DGKA: variants seen among roughly 807,000 people sequenced by gnomAD.
DGKA encodes the protein 80 kDa diacylglycerol kinase.
A neutral mutation model predicts 105.0 loss-of-function variants in DGKA; 35 were observed. The ratio of observed to expected loss-of-function variants is 0.33; its 90% CI spans 0.25 to 0.44. The LOEUF (loss-of-function observed/expected upper bound fraction) is 0.44, where lower values mean the gene tolerates loss of function less well. DGKA is among the 20% of genes least tolerant of loss of function. DGKA has a pLI of 1.00. For synonymous variants in DGKA, 296 were observed against 332.0 expected, an observed-to-expected ratio of 0.89 and a Z score of 1.18; for missense variants, 665 against 915.0, an observed-to-expected ratio of 0.73 and a Z score of 3.53.
intron 17 of DGKA, among the ~76,000 whole-genome samples, chr12:55,942,978 G>C (rs1886324744): frequency 6.6e-6 from 1 of 152,154 alleles, no homozygotes; most frequent in African/African-American, 2.4e-5. Flanking sequence ...TGGGGGAACT[G>C]TAAGTCATTC....
chr12:55,948,090 C>T (rs981592087), intron 17 of DGKA, among the ~76,000 whole-genome samples: 2 of 151,518 alleles, frequency 1.3e-5, no homozygotes, highest in Non-Finnish European at 2.9e-5. Context: ...CATACCCAGC[C>T]GAAAATAACT....
At position 55,940,206 on chromosome 12, in the gene DGKA, T is replaced by C. The variant is rs778688698; in HGVS notation, c.798+36T>C. ...TCATGCCTCCACCCCCAACATCACC[T>C]ACATCCTGGCCCTGGCCCTGGCCCT... On this transcript the variant is annotated intron_variant, in intron 10 of 23. Transcript: ENST00000331886. This position sits in a 1 kb window ranked among gnomAD's most constrained non-coding sequence, Gnocchi z 4.3. 2 of 1,613,684 alleles carry C rather than the reference T, an allele frequency of 1.2e-6. No individual in the cohort carries two copies. The highest frequency in any genetic ancestry group is 3.3e-5 in the Admixed American group (2 of 60,010).
At position 55,953,084 on chromosome 12, in the gene DGKA, A is replaced by G. The variant is rs1325007315; in HGVS notation, c.1987A>G (p.Ile663Val). The G allele has an allele frequency of 1.9e-6, 3 of 1,613,974 alleles. No individual in the cohort carries two copies. Among genetic ancestry groups the G allele is most frequent in the Non-Finnish European group, 2.5e-6 (3 of 1,180,026 alleles). Residue 663 changes from isoleucine (I) to valine (V), a missense_variant, in exon 22 of 24, where the codon ATT (isoleucine) becomes GTT (valine). By Grantham distance (29) the Ile-to-Val change is conservative. This residue lies in a region of DGKA where 158 missense variants were observed against 213.4 expected (regional missense o/e 0.74). Coordinates refer to ENST00000331886, the MANE Select transcript of DGKA (RefSeq NM_001345.5). ...RLEVVGLEGA[I>V]EMGQIYTKLK... is the part of the protein sequence containing the mutation. ...GGAAGTGGTTGGGCTGGAGGGTGCA[A>G]TTGAGATGGGCCAAATCTATACCAA...
chr12:55,936,979 A>G (rs1293687009), intron 2 of DGKA, 38 bp from the exon 3 acceptor site: 5 of 1,558,394 alleles, frequency 3.2e-6, no homozygotes, highest in East Asian at 4.5e-5. Flanking sequence ...ACTCAGCTGG[A>G]CTAATAATGC....
At chr12:55,941,684 G>C in intron 15 of DGKA, 100 bp downstream of exon 15, 2 of 1,242,810 alleles carry the variant, frequency 1.6e-6, no homozygotes, top group Non-Finnish European at 2.3e-6. Context: ...GGAGAGGAGG[G>C]CTAGAGATCC....
chr12:55,947,389 A>G (rs1377659835), intron 17 of DGKA, among the ~76,000 whole-genome samples: 1 of 152,202 alleles, frequency 6.6e-6, no homozygotes, highest in Admixed American at 6.5e-5. Context: ...CAAGAAAGTG[A>G]AAGCTCCCTA....
chr12:55,939,897 T>C (rs1328945418), intron 9 of DGKA, 185 bp from the exon 10 acceptor site: 6 of 618,548 alleles, frequency 9.7e-6, no homozygotes, highest in Non-Finnish European at 1.7e-5. Context: ...CAGTAGCAGC[T>C]GATCTTTTAG....
At position 55,940,103 on chromosome 12, in the gene DGKA, A is replaced by G. The variant is rs1304709720; in HGVS notation, c.731A>G (p.Asp244Gly). The change falls in exon 10 of 24, where the codon GAC (aspartate) becomes GGC (glycine). Residue 244 changes from aspartate to glycine, a missense_variant. This residue lies in a region of DGKA where 504 missense variants were observed against 681.2 expected (regional missense o/e 0.74). Transcript: ENST00000331886. This position sits in a 1 kb window ranked among gnomAD's most constrained non-coding sequence, Gnocchi z 4.3. ...SCNLCKYTVH[D>G]QCAMKALPCE... ...TCAGTCTGTAAGTACACTGTTCACG[A>G]CCAGTGTGCCATGAAAGCCCTGCCT... 1 of 1,614,192 alleles carries G rather than the reference A, an allele frequency of 6.2e-7. No homozygotes were observed. Among genetic ancestry groups the G allele is most frequent in the Non-Finnish European group, 8.5e-7 (1 of 1,180,034 alleles).
intron 1 of DGKA, among the ~76,000 whole-genome samples, chr12:55,934,620 A>G (rs1884289413): frequency 6.6e-6 from 1 of 152,238 alleles, no homozygotes; most frequent in Non-Finnish European, 1.5e-5. Context: ...CAAGCCCTAA[A>G]TGAGTGGGTG....
chr12:55,929,783 A>G (rs962876146), upstream of DGKA: 1 of 152,266 alleles, frequency 6.6e-6, no homozygotes, highest in African/African-American at 2.4e-5. Context: ...GACTTGGGGT[A>G]TGATGGAGCA....
chr12:55,927,622 G>T (rs1883219398), upstream of DGKA: 3 of 1,418,502 alleles, frequency 2.1e-6, no homozygotes, highest in South Asian at 2.5e-5. Context: ...CTAAGAAGGT[G>T]GGGAGGTCGA....
intron 23 of DGKA, 121 bp downstream of exon 23, chr12:55,953,531 TA>T: frequency 7.4e-7 from 1 of 1,353,782 alleles, no homozygotes; most frequent in Non-Finnish European, 1.0e-6. Context: ...TCATTCATCC[TA>T]AACCCTGATT....
intron 14 of DGKA, 55 bp from the exon 15 acceptor site, chr12:55,941,455 A>G: frequency 6.2e-7 from 1 of 1,601,250 alleles, no homozygotes; most frequent in South Asian, 1.1e-5. Context: ...TGAGGTTCAG[A>G]AGATCACCCC....
At chr12:55,947,409 C>T (rs1466615557) in intron 17 of DGKA, among the ~76,000 whole-genome samples, 1 of 152,160 alleles carries the variant, frequency 6.6e-6, no homozygotes, top group East Asian at 1.9e-4. Flanking sequence ...ATAATCTATG[C>T]CCTACAGTTT....
chr12:55,944,847 T>G (rs1886697216), intron 17 of DGKA, among the ~76,000 whole-genome samples: 2 of 152,234 alleles, frequency 1.3e-5, no homozygotes, highest in South Asian at 4.1e-4. Context: ...TTGCCTAGAC[T>G]GGAGTGCAGT....
In DGKA at chr12:55,939,398, C is replaced by T. The variant is rs754189608; in HGVS notation, c.595-17C>T. 4.3e-5 allele frequency: 70 copies of T among 1,613,956 alleles called. No individual in the cohort carries two copies. The South Asian group carries it at 7.6e-4, about 17-fold the overall frequency. On this transcript the variant is annotated splice_polypyrimidine_tract_variant and intron_variant, in intron 8 of 23. Coordinates refer to ENST00000331886, the MANE Select transcript of DGKA (RefSeq NM_001345.5). The stretch of plus-strand genomic sequence containing the variant: ...TAAGGGCTTTGACACTCCCTAGCAT[C>T]TACTGTGCCTTCCTAGACTCTGAAG...
chr12:55,948,174 G>A (rs1303916679), intron 17 of DGKA, among the ~76,000 whole-genome samples: 1 of 151,838 alleles, frequency 6.6e-6, no homozygotes, highest in Non-Finnish European at 1.5e-5. Context: ...GGCCAAGGCG[G>A]GTGGATCATG....
chr12:55,937,895 A>C (rs1885086084), intron 4 of DGKA, 83 bp from the exon 5 acceptor site: 3 of 1,225,414 alleles, frequency 2.4e-6, no homozygotes, highest in Non-Finnish European at 3.5e-6. Flanking sequence ...TTTTAAAAAA[A>C]GGGAGAGGTG....
At chr12:55,937,720 G>A (rs542659873) in intron 4 of DGKA, among the ~76,000 whole-genome samples, 177 bp downstream of exon 4, 48 of 152,240 alleles carry the variant, frequency 3.2e-4, no homozygotes, top group Non-Finnish European at 6.5e-4. Context: ...AAGGTAAGTC[G>A]AGGGCAGTGG....
Sources: allele counts gnomAD v4.1 joint callset (sites outside exome capture counted in the v4.1 genomes callset), GRCh38; gene constraint gnomAD v4.1.1; regional missense constraint gnomAD v4.1.1; non-coding constraint Gnocchi (gnomAD v3.1); transcripts MANE v1.5; gene names NCBI Gene and HGNC (gene_info 2026-07-23, HGNC 2026-07-21).